The following TXNL1 variants were observed in gnomAD, a reference collection of about 807,000 sequenced individuals.
TXNL1 encodes thioredoxin like 1, also known as thioredoxin-like protein 1.
Under a neutral mutation model 35.5 loss-of-function variants are expected in TXNL1, and 14 were observed. The ratio of observed to expected loss-of-function variants is 0.39; its 90% CI spans 0.26 to 0.62. TXNL1 has a LOEUF of 0.62. TXNL1 is among the 20% of genes least tolerant of loss of function. The probability of loss-of-function intolerance (pLI) is 0.47; values close to 1 mark genes in which losing one functional copy is unlikely to be tolerated. For synonymous variants in TXNL1, 110 were observed against 115.5 expected (o/e 0.95, Z 0.31); for missense variants, 263 against 349.7 (o/e 0.75, Z 1.98).
chr18:56,630,863 C>T (rs1366270825), intron 1 of TXNL1, among the ~76,000 whole-genome samples: 1 of 151,830 alleles, frequency 6.6e-6, no homozygotes, highest in African/African-American at 2.4e-5. Flanking sequence ...ACAAAACAAT[C>T]ATTCAAATAA....
Position 56,633,222 on chromosome 18 carries a change from C to T in TXNL1, c.98+5121G>A, listed in dbSNP as rs377374972. 4.6e-5 allele frequency among the ~76,000 whole-genome samples: 7 copies of T among 151,894 alleles called. No individual in the cohort carries two copies. In the East Asian group the frequency reaches 5.8e-4, roughly 13 times the overall value. ...CAGCACTTTGGGAGGCCGAGGCGGA[C>T]GGATCACGAGGTCAGGAGATTGAGA... On this transcript the variant is annotated intron_variant, in intron 1 of 7. Coordinates refer to ENST00000217515, the MANE Select transcript of TXNL1 (RefSeq NM_004786.3).
At chr18:56,634,876 T>C (rs2024431742) in intron 1 of TXNL1, among the ~76,000 whole-genome samples, 1 of 152,100 alleles carries the variant, frequency 6.6e-6, no homozygotes, top group East Asian at 1.9e-4. Context: ...ACCCAAAGAA[T>C]GGGACAAAGT....
intron 1 of TXNL1, among the ~76,000 whole-genome samples, chr18:56,626,797 CTTT>C (rs386387792): frequency 1.5e-3 from 81 of 55,010 alleles, no homozygotes; most frequent in African/African-American, 3.9e-3. Context: ...CCAAGCCGGT[CTTT>C]TTTTTTTTTT....
At chr18:56,614,160 T>G (rs1320059034) in intron 6 of TXNL1, among the ~76,000 whole-genome samples, 1 of 152,156 alleles carries the variant, frequency 6.6e-6, no homozygotes, top group Admixed American at 6.5e-5. Context: ...TAGTATAAAG[T>G]TGTAGAATAA....
intron 1 of TXNL1, among the ~76,000 whole-genome samples, chr18:56,632,815 T>A (rs1054075709): frequency 2.6e-5 from 4 of 152,180 alleles, no homozygotes; most frequent in Non-Finnish European, 5.9e-5. Context: ...AGTTAACAAA[T>A]AAAGCAACTC....
intron 1 of TXNL1, among the ~76,000 whole-genome samples, chr18:56,638,088 T>C (rs1291730510): frequency 1.3e-5 from 2 of 151,684 alleles, no homozygotes; most frequent in Non-Finnish European, 2.9e-5. Flanking sequence ...TGTCAAAGAA[T>C]TGAAAAGGAG....
chr18:56,631,420 T>C (rs1199298330), intron 1 of TXNL1, among the ~76,000 whole-genome samples: 1 of 152,168 alleles, frequency 6.6e-6, no homozygotes, highest in East Asian at 1.9e-4. Flanking sequence ...TACGATTTCT[T>C]ATTTCACTGC....
intron 1 of TXNL1, among the ~76,000 whole-genome samples, chr18:56,631,778 G>A (rs2024375478): frequency 6.6e-6 from 1 of 151,964 alleles, no homozygotes; most frequent in Non-Finnish European, 1.5e-5. Flanking sequence ...AAATTAGCTG[G>A]GCCTAGTAAC....
intron 3 of TXNL1, among the ~76,000 whole-genome samples, chr18:56,619,184 A>C (rs2024139055): frequency 6.7e-6 from 1 of 149,582 alleles, no homozygotes; most frequent in Admixed American, 6.7e-5. Flanking sequence ...ATTGTACTCC[A>C]GCCCAGGCAG....
chr18:56,627,857 T>TAAAAAA (rs34347766), intron 1 of TXNL1, among the ~76,000 whole-genome samples: 1 of 138,090 alleles, frequency 7.2e-6, no homozygotes. Context: ...CAAGAAGTAC[T>TAAAAAA]AAAAAAAAAA....
Position 56,608,749 on chromosome 18 carries a change from G to A in TXNL1, c.840+2244C>T, listed in dbSNP as rs561610519. On this transcript the variant is annotated intron_variant, in intron 7 of 7. Coordinates refer to ENST00000217515, the MANE Select transcript of TXNL1 (RefSeq NM_004786.3). ...GGACACTATAAGGCTCGTAAACAGA[G>A]AAGCCTGGGCAACATAGTAAGACCC... 3.3e-5 allele frequency: 5 copies of A among 152,154 alleles called. No individual in the cohort carries two copies. The East Asian group carries it at 9.7e-4, about 29-fold the overall frequency. 9.4% of individuals were successfully genotyped at this position (152,154 alleles called of 1,614,324 possible). A position where few individuals can be genotyped will look rare whatever the true frequency, so the allele number is the denominator to read the frequency against.
intron 1 of TXNL1, among the ~76,000 whole-genome samples, chr18:56,626,963 C>G: frequency 6.6e-6 from 1 of 150,790 alleles, no homozygotes; most frequent in Non-Finnish European, 1.5e-5. Flanking sequence ...TGCCACCACA[C>G]CCAGCTACCA....
Position 56,602,842 on chromosome 18 carries a change from G to A in TXNL1, c.*185C>T, listed in dbSNP as rs779694874. 7 of 671,454 alleles carry A rather than the reference G, an allele frequency of 1.0e-5. No homozygotes were observed. Among genetic ancestry groups the A allele is most frequent in the Non-Finnish European group, 1.8e-5 (7 of 394,396 alleles). 41.6% of individuals were successfully genotyped at this position (671,454 alleles called of 1,614,324 possible). A position where few individuals can be genotyped will look rare whatever the true frequency, so the allele number is the denominator to read the frequency against. ...AAAAATTAAGCTTGGCAAAAGTGGT[G>A]ACTTTTATTTACAATTGCATGTGTC... is the stretch of plus-strand genomic sequence containing the variant. On this transcript the variant is annotated 3_prime_UTR_variant, in exon 8 of 8. Transcript: ENST00000217515.
intron 3 of TXNL1, among the ~76,000 whole-genome samples, chr18:56,619,213 CA>C (rs780757654): frequency 0.031 from 2,008 of 64,966 alleles, 17 homozygotes; most frequent in Non-Finnish European, 0.044. Context: ...GACCCTGTCT[CA>C]AAAAAAAAAA....
At chr18:56,620,208 T>C (rs1348427742) in intron 3 of TXNL1, among the ~76,000 whole-genome samples, 1 of 152,064 alleles carries the variant, frequency 6.6e-6, no homozygotes, top group Non-Finnish European at 1.5e-5. Flanking sequence ...TCAAGTGATC[T>C]ACCCACCTCA....
rs569054822 is a variant in TXNL1 at position 56,608,436 on chromosome 18, TAATC to T, written c.840+2553_840+2556del. On this transcript the variant is annotated intron_variant, in intron 7 of 7. Transcript: ENST00000217515. ...TATTAATATACCTAAGAAAATCACT[TAATC>T]AACTAAAATTTATTAAACATTAAAA... is the stretch of plus-strand genomic sequence containing the variant. The T allele has an allele frequency of 3.9e-5, 6 of 152,306 alleles. No individual in the cohort carries two copies. The South Asian group carries it at 6.2e-4, about 16-fold the overall frequency. The allele number at this position is 152,306 out of a possible 1,614,324, so 9.4% of individuals were successfully genotyped here. A position where few individuals can be genotyped will look rare whatever the true frequency, so the allele number is the denominator to read the frequency against.
intron 7 of TXNL1, among the ~76,000 whole-genome samples, chr18:56,607,161 T>TG (rs2023911614): frequency 1.2e-4 from 16 of 137,526 alleles, no homozygotes; most frequent in Non-Finnish European, 2.2e-4. Flanking sequence ...CTGGGTAATT[T>TG]TGTGTGTGTG....
chr18:56,626,119 C>T, intron 2 of TXNL1: 6 of 1,106,916 alleles, frequency 5.4e-6, no homozygotes, highest in Non-Finnish European at 6.9e-6. Context: ...GACCTATTAA[C>T]AACATCGTAT....
At chr18:56,633,146 T>C (rs928387828) in intron 1 of TXNL1, among the ~76,000 whole-genome samples, 3 of 149,868 alleles carry the variant, frequency 2.0e-5, no homozygotes, top group African/African-American at 7.4e-5. Context: ...ACCCCACCTC[T>C]ACAAAAATTT....
Sources: gnomAD v4.1 joint callset for allele counts (sites outside exome capture counted in the v4.1 genomes callset) on GRCh38, gnomAD v4.1.1 for gene constraint, MANE v1.5 for transcripts, NCBI Gene and HGNC (gene_info 2026-07-23, HGNC 2026-07-21) for gene names.